Variants in ZNF516 observed in about 807,000 individuals in gnomAD.
The protein encoded by ZNF516 is zinc finger protein 516.
Under a neutral mutation model 79.7 loss-of-function variants are expected in ZNF516, and 19 were observed. The ratio of observed to expected loss-of-function variants is 0.24; its 90% CI spans 0.17 to 0.35. The LOEUF is 0.35. ZNF516 is among the 10% of genes least tolerant of loss of function. The probability of loss-of-function intolerance (pLI) is 1.00; values close to 1 mark genes in which losing one functional copy is unlikely to be tolerated. For missense variants in ZNF516, 1,678 were observed against 1,679.5 expected (o/e 1.00, Z 0.02); for synonymous variants, 877 against 739.5 (o/e 1.19, Z -3.02).
chr18:76,439,735 TAAG>T (rs1482885173), intron 3 of ZNF516, among the ~76,000 whole-genome samples: 2 of 151,884 alleles, frequency 1.3e-5, no homozygotes, highest in Non-Finnish European at 1.5e-5. Context: ...TTCCAAATAT[TAAG>T]AATATTTCTC....
At chr18:76,399,836 GC>G in intron 3 of ZNF516, among the ~76,000 whole-genome samples, 1 of 152,254 alleles carries the variant, frequency 6.6e-6, no homozygotes, top group South Asian at 2.1e-4. Context: ...AGGAGACCCA[GC>G]CACCAGCCCT....
intron 6 of ZNF516, among the ~76,000 whole-genome samples, chr18:76,366,055 C>T (rs2074607410): frequency 6.6e-6 from 1 of 152,162 alleles, no homozygotes; most frequent in Non-Finnish European, 1.5e-5. Flanking sequence ...ATGGAAGAGG[C>T]TTAAACAGTG....
intron 3 of ZNF516, among the ~76,000 whole-genome samples, chr18:76,421,052 T>C (rs1319673068): frequency 6.6e-6 from 1 of 152,164 alleles, no homozygotes; most frequent in African/African-American, 2.4e-5. Context: ...GCGTGGACAA[T>C]TTCTAACAGC....
Position 76,362,349 on chromosome 18 carries a change from C to G in ZNF516, c.*149G>C. 1.6e-6 allele frequency: 1 copy of G among 625,012 alleles called. No homozygotes were observed. The highest frequency in any genetic ancestry group is 2.8e-6 in the Non-Finnish European group (1 of 359,012). 38.7% of individuals were successfully genotyped at this position (625,012 alleles called of 1,614,324 possible). A position where few individuals can be genotyped will look rare whatever the true frequency, so the allele number is the denominator to read the frequency against. On this transcript the variant is annotated 3_prime_UTR_variant, in exon 7 of 7. Coordinates refer to ENST00000443185, the MANE Select transcript of ZNF516 (RefSeq NM_014643.4). ...TCTGCCTTCAGTTTCCACTCCAGCG[C>G]AGCGGCTCGGGATGTGAGGTGTCTG...
At chr18:76,383,311 G>A (rs1018598461) in intron 3 of ZNF516, among the ~76,000 whole-genome samples, 1 of 152,158 alleles carries the variant, frequency 6.6e-6, no homozygotes, top group Non-Finnish European at 1.5e-5. Context: ...TAACTGGAGA[G>A]GCGCAGGATC....
At chr18:76,444,304 C>A (rs1911910404) in intron 2 of ZNF516, among the ~76,000 whole-genome samples, 2 of 152,198 alleles carry the variant, frequency 1.3e-5, no homozygotes, top group Non-Finnish European at 2.9e-5. Flanking sequence ...CTGCATAGAA[C>A]AAATCCATTT....
At chr18:76,434,560 G>A (rs964041626) in intron 3 of ZNF516, among the ~76,000 whole-genome samples, 61 of 152,114 alleles carry the variant, frequency 4.0e-4, no homozygotes, top group Admixed American at 3.9e-3. Context: ...AACTTCCTAC[G>A]TGGCAGGAAG....
intron 1 of ZNF516, among the ~76,000 whole-genome samples, chr18:76,473,544 G>A (rs1386849105): frequency 6.6e-6 from 1 of 152,146 alleles, no homozygotes; most frequent in Non-Finnish European, 1.5e-5. Flanking sequence ...GCTCACGCCT[G>A]TAATCACAGC....
chr18:76,390,253 G>C (rs1365843485), intron 3 of ZNF516, among the ~76,000 whole-genome samples: 3 of 152,156 alleles, frequency 2.0e-5, no homozygotes, highest in African/African-American at 7.2e-5. Context: ...GTTGGGTACT[G>C]AACACAAACT....
chr18:76,426,271 T>A (rs79072399), intron 3 of ZNF516, among the ~76,000 whole-genome samples: 2,485 of 152,314 alleles, frequency 0.016, 64 homozygotes, highest in African/African-American at 0.057. Context: ...TCTTCTAGCC[T>A]TTGCTGATAT....
intron 2 of ZNF516, among the ~76,000 whole-genome samples, chr18:76,445,538 T>G (rs1452936276): frequency 6.6e-6 from 1 of 152,174 alleles, no homozygotes; most frequent in Non-Finnish European, 1.5e-5. Context: ...TATATCTAAC[T>G]TAGTGACTGG....
chr18:76,390,360 C>T (rs1411641703), intron 3 of ZNF516, among the ~76,000 whole-genome samples: 5 of 152,230 alleles, frequency 3.3e-5, no homozygotes, highest in Admixed American at 3.3e-4. Context: ...GCAGTTTCTC[C>T]AGCCCCATGG....
In ZNF516 at chr18:76,493,284, C is replaced by T; in HGVS notation, c.-272+1860G>A. Reference sequence around the variant, plus strand: ...GGGAAATTCACGAAGGGAGTGGAGGCGGAAAGGGAGCTCCGAGAAAGAAGG... The same window carrying T: ...GGGAAATTCACGAAGGGAGTGGAGGTGGAAAGGGAGCTCCGAGAAAGAAGG... On this transcript the variant is annotated intron_variant, in intron 1 of 6. Transcript: ENST00000443185. The surrounding 1 kb of genome is among the most constrained non-coding windows in gnomAD (Gnocchi z 5.2). 3.4e-6 allele frequency: 2 copies of T among 583,900 alleles called. No homozygotes were observed. The highest frequency in any genetic ancestry group is 4.1e-6 in the Non-Finnish European group (2 of 491,682). 36.2% of individuals were successfully genotyped at this position (583,900 alleles called of 1,614,324 possible). A position where few individuals can be genotyped will look rare whatever the true frequency, so the allele number is the denominator to read the frequency against.
chr18:76,410,378 C>T (rs114570238), intron 3 of ZNF516, among the ~76,000 whole-genome samples: 2,837 of 152,324 alleles, frequency 0.019, 49 homozygotes, highest in African/African-American at 0.04. Context: ...GCGGTTTTGA[C>T]TGTGGCTTCT....
intron 1 of ZNF516, among the ~76,000 whole-genome samples, chr18:76,471,643 G>A (rs767320096): frequency 4.6e-5 from 7 of 152,146 alleles, no homozygotes; most frequent in African/African-American, 7.2e-5. Context: ...GGCACCAGTC[G>A]GGGCCTCACT....
At chr18:76,464,389 C>T (rs1913318701) in intron 1 of ZNF516, among the ~76,000 whole-genome samples, 1 of 152,156 alleles carries the variant, frequency 6.6e-6, no homozygotes, top group Non-Finnish European at 1.5e-5. Context: ...GAAAGTGGGA[C>T]TCACACATAG....
At chr18:76,426,531 CTTTT>C (rs34904189) in intron 3 of ZNF516, among the ~76,000 whole-genome samples, 4 of 151,578 alleles carry the variant, frequency 2.6e-5, no homozygotes, top group East Asian at 1.9e-4. Flanking sequence ...CATACATAAA[CTTTT>C]TTTTTAAAGT....
In ZNF516 at chr18:76,441,259, G is replaced by C. The variant is rs765944654; in HGVS notation, c.1796C>G (p.Pro599Arg). Reference sequence around the variant, plus strand: ...CACTTGCTCACCTGGTGCAGGTTCAGGGGCGCCCTCCTCACCACTGTCTTC... The same window carrying C: ...CACTTGCTCACCTGGTGCAGGTTCACGGGCGCCCTCCTCACCACTGTCTTC... ...AAEDSGEEGA[P>R]EPAPGGQPRR... The change falls in exon 3 of 7, where the codon CCT becomes CGT. Residue 599 changes from proline to arginine, a missense_variant. This residue lies in a region of ZNF516 where 1,294 missense variants were observed against 1,248.3 expected (regional missense o/e 1.04). Transcript: ENST00000443185. The C allele has an allele frequency of 6.2e-7, 1 of 1,610,102 alleles. No individual in the cohort carries two copies. The highest frequency in any genetic ancestry group is 8.5e-7 in the Non-Finnish European group (1 of 1,179,042).
chr18:76,453,345 G>A (rs184158202), intron 2 of ZNF516, among the ~76,000 whole-genome samples: 4 of 152,180 alleles, frequency 2.6e-5, no homozygotes, highest in East Asian at 3.9e-4. Context: ...CCAAACCCAC[G>A]GCTCAGATGA....
Sources: allele counts gnomAD v4.1 joint callset (sites outside exome capture counted in the v4.1 genomes callset), GRCh38; gene constraint gnomAD v4.1.1; regional missense constraint gnomAD v4.1.1; non-coding constraint Gnocchi (gnomAD v3.1); transcripts MANE v1.5; gene names NCBI Gene and HGNC (gene_info 2026-07-23, HGNC 2026-07-21).